Variants in ETV6 observed in about 807,000 individuals in gnomAD.
ETV6 encodes transcription factor ETV6.
In ETV6, 16 loss-of-function variants were observed where a neutral mutation model predicts 51.1. The observed-to-expected ratio is 0.31, with a 90% CI of 0.21 to 0.48. The LOEUF (loss-of-function observed/expected upper bound fraction) is 0.48, where lower values mean the gene tolerates loss of function less well. ETV6 is among the 20% of genes least tolerant of loss of function. The probability of loss-of-function intolerance (pLI) is 0.99; values close to 1 mark genes in which losing one functional copy is unlikely to be tolerated. For missense variants in ETV6, 458 were observed against 594.8 expected (o/e 0.77, Z 2.39); for synonymous variants, 240 against 224.1 (o/e 1.07, Z -0.64).
chr12:11,677,435 C>T (rs1049767799), intron 1 of ETV6, among the ~76,000 whole-genome samples: 1 of 152,258 alleles, frequency 6.6e-6, no homozygotes, highest in African/African-American at 2.4e-5. Context: ...CACATACACT[C>T]TGTCTTTGGC....
intron 2 of ETV6, among the ~76,000 whole-genome samples, chr12:11,823,088 T>C (rs1020657116): frequency 2.5e-4 from 38 of 152,180 alleles, no homozygotes; most frequent in African/African-American, 8.9e-4. Flanking sequence ...AAGTTAGAGC[T>C]GACAGCAAGA....
intron 2 of ETV6, among the ~76,000 whole-genome samples, chr12:11,753,073 C>T (rs570055098): frequency 2.0e-5 from 3 of 152,232 alleles, no homozygotes; most frequent in Admixed American, 6.5e-5. Context: ...TTCTTCCCTT[C>T]GTTTTCTAGG....
At chr12:11,655,528 C>A (rs1863984879) in intron 1 of ETV6, among the ~76,000 whole-genome samples, 1 of 152,236 alleles carries the variant, frequency 6.6e-6, no homozygotes, top group Middle Eastern at 3.4e-3. Context: ...CATACAGGAA[C>A]CAAACTAATA....
At chr12:11,725,293 A>G (rs1056050170) in intron 1 of ETV6, among the ~76,000 whole-genome samples, 3 of 152,024 alleles carry the variant, frequency 2.0e-5, no homozygotes, top group African/African-American at 4.8e-5. Context: ...TGCAGCGTGC[A>G]TGGCTCAAAA....
At chr12:11,753,695 G>A (rs918223786) in intron 2 of ETV6, among the ~76,000 whole-genome samples, 5 of 152,220 alleles carry the variant, frequency 3.3e-5, no homozygotes, top group African/African-American at 1.2e-4. Context: ...CAGGGAATCA[G>A]ATGACTGTGA....
chr12:11,684,773 C>T (rs1483283460), intron 1 of ETV6, among the ~76,000 whole-genome samples: 1 of 152,092 alleles, frequency 6.6e-6, no homozygotes, highest in African/African-American at 2.4e-5. Flanking sequence ...TAATTAATAC[C>T]TAGAGTTCAA....
At chr12:11,718,520 CT>C (rs1211797322) in intron 1 of ETV6, among the ~76,000 whole-genome samples, 2 of 151,284 alleles carry the variant, frequency 1.3e-5, no homozygotes, top group African/African-American at 4.9e-5. Flanking sequence ...AATCCTAGCA[CT>C]TTGGGAGGAC....
intron 2 of ETV6, among the ~76,000 whole-genome samples, chr12:11,772,997 A>G (rs1210517416): frequency 4.6e-5 from 7 of 152,094 alleles, no homozygotes; most frequent in Non-Finnish European, 1.0e-4. Flanking sequence ...GATCCAGACC[A>G]TCCTGGCTAA....
At chr12:11,720,880 A>C (rs1865370998) in intron 1 of ETV6, among the ~76,000 whole-genome samples, 1 of 152,214 alleles carries the variant, frequency 6.6e-6, no homozygotes, top group African/African-American at 2.4e-5. Flanking sequence ...GAGGCAAAAA[A>C]ACAATAACTC....
intron 1 of ETV6, among the ~76,000 whole-genome samples, chr12:11,700,980 A>C (rs1046012802): frequency 2.0e-5 from 3 of 151,896 alleles, no homozygotes; most frequent in Non-Finnish European, 2.9e-5. Flanking sequence ...TTCCATTGTA[A>C]GGCCTTGAGG....
intron 1 of ETV6, among the ~76,000 whole-genome samples, chr12:11,672,924 C>G (rs1373900545): frequency 6.6e-6 from 1 of 152,206 alleles, no homozygotes; most frequent in Non-Finnish European, 1.5e-5. Context: ...TAGCCAAGAG[C>G]AAAAGTTATC....
chr12:11,666,519 G>A (rs1261890471), intron 1 of ETV6, among the ~76,000 whole-genome samples: 1 of 152,228 alleles, frequency 6.6e-6, no homozygotes, highest in African/African-American at 2.4e-5. Flanking sequence ...TCTTAAGAGA[G>A]TGTGTTAGGG....
intron 1 of ETV6, among the ~76,000 whole-genome samples, chr12:11,706,033 C>T (rs539056412): frequency 6.6e-6 from 1 of 152,302 alleles, no homozygotes; most frequent in African/African-American, 2.4e-5. Flanking sequence ...CTTTGGAGGG[C>T]CTTGGTCTTA....
intron 3 of ETV6, among the ~76,000 whole-genome samples, chr12:11,848,111 G>A (rs1189484378): frequency 6.6e-6 from 1 of 152,188 alleles, no homozygotes; most frequent in Non-Finnish European, 1.5e-5. Context: ...TCACGCTTAT[G>A]ACAATTGCAA....
At chr12:11,653,013 G>A (rs1565473732) in intron 1 of ETV6, among the ~76,000 whole-genome samples, 1 of 152,106 alleles carries the variant, frequency 6.6e-6, no homozygotes, top group Non-Finnish European at 1.5e-5. Context: ...CTCTACACGC[G>A]ACTTGCAGAA....
intron 2 of ETV6, 158 bp downstream of exon 2, chr12:11,752,737 A>C: frequency 6.5e-6 from 5 of 763,424 alleles, no homozygotes; most frequent in South Asian, 5.6e-5. Flanking sequence ...ACCCCCAGAT[A>C]CCTTTGAAAA....
intron 2 of ETV6, among the ~76,000 whole-genome samples, chr12:11,755,530 C>T (rs905384261): frequency 2.0e-5 from 3 of 152,118 alleles, no homozygotes; most frequent in African/African-American, 7.2e-5. Context: ...AGCTTCTGTC[C>T]TCCCGCTCCC....
chr12:11,735,086 CTTTTT>C (rs58797937), intron 1 of ETV6, among the ~76,000 whole-genome samples: 8 of 76,238 alleles, frequency 1.0e-4, no homozygotes, highest in East Asian at 5.0e-4. Flanking sequence ...GCAAGGTGGC[CTTTTT>C]TTTTTTTTTT....
At position 11,853,467 on chromosome 12, in the gene ETV6, G is replaced by A. The variant is rs1245611198; in HGVS notation, c.369G>A (p.Gln123=). The change falls in exon 4 of 8, where the codon CAG becomes CAA. Residue 123 remains glutamine, a synonymous_variant. Transcript: ENST00000396373. ...LYELLQHILK[Q]RKPRILFSPF... ...AACTCCTTCAGCATATTCTGAAGCAGAGGAAACCTCGGATTCTTTTTTCAC... is the reference window on the plus strand; with the variant it reads ...AACTCCTTCAGCATATTCTGAAGCAAAGGAAACCTCGGATTCTTTTTTCAC... 2 of 1,614,200 alleles carry A rather than the reference G, an allele frequency of 1.2e-6. No individual in the cohort carries two copies. Among genetic ancestry groups the A allele is most frequent in the Admixed American group, 1.7e-5 (1 of 60,032 alleles).
Sources: gnomAD v4.1 joint callset for allele counts (sites outside exome capture counted in the v4.1 genomes callset) on GRCh38, gnomAD v4.1.1 for gene constraint, MANE v1.5 for transcripts, NCBI Gene and HGNC (gene_info 2026-07-23, HGNC 2026-07-21) for gene names.